The following VRK2 variants were observed in gnomAD, a reference collection of about 807,000 sequenced individuals.
VRK2 encodes serine/threonine-protein kinase VRK2.
A neutral mutation model predicts 57.6 loss-of-function variants in VRK2; 60 were observed. That is an observed-to-expected ratio of 1.04 (90% CI 0.85 to 1.29). The LOEUF (loss-of-function observed/expected upper bound fraction) is 1.29. Ranked by LOEUF, VRK2 falls within the 50% of genes most tolerant of loss-of-function variation. The pLI is 0.00. For synonymous variants in VRK2, 231 were observed against 199.2 expected (o/e 1.16, Z -1.35); for missense variants, 705 against 588.1 (o/e 1.20, Z -2.06).
At chr2:58,087,147 A>G (rs1453160382) in intron 5 of VRK2, among the ~76,000 whole-genome samples, 1 of 152,228 alleles carries the variant, frequency 6.6e-6, no homozygotes, top group Non-Finnish European at 1.5e-5. Context: ...CTTTTGTGCC[A>G]GAGACTTTTA....
intron 1 of VRK2, among the ~76,000 whole-genome samples, chr2:58,004,544 A>G (rs972794697): frequency 2.0e-5 from 3 of 152,154 alleles, no homozygotes; most frequent in Non-Finnish European, 4.4e-5. Flanking sequence ...TTTAAACCTG[A>G]GCTTCAAGAA....
At chr2:58,091,263 A>C (rs13386998) in intron 7 of VRK2, among the ~76,000 whole-genome samples, 12,517 of 152,098 alleles carry the variant, frequency 0.082, 551 homozygotes, top group South Asian at 0.14. Flanking sequence ...AAAATGTGCT[A>C]CTCTAGTGAG....
At chr2:58,010,452 G>A (rs1673385796) in intron 1 of VRK2, among the ~76,000 whole-genome samples, 1 of 151,796 alleles carries the variant, frequency 6.6e-6, no homozygotes, top group East Asian at 1.9e-4. Flanking sequence ...TAATATCAAG[G>A]GTTAGTGTCC....
intron 2 of VRK2, among the ~76,000 whole-genome samples, chr2:58,032,375 C>T (rs1299691498): frequency 6.6e-6 from 1 of 152,052 alleles, no homozygotes; most frequent in Non-Finnish European, 1.5e-5. Context: ...CTGGAAGATT[C>T]ATTGTCTAGT....
intron 7 of VRK2, among the ~76,000 whole-genome samples, chr2:58,096,912 TTTCTTTCA>T (rs1184975945): frequency 1.3e-5 from 2 of 152,116 alleles, no homozygotes; most frequent in East Asian, 1.9e-4. Flanking sequence ...AGTTTGTATT[TTTCTTTCA>T]CCAAAAAAGT....
At chr2:57,966,460 G>T (rs1422212418) in intron 1 of VRK2, among the ~76,000 whole-genome samples, 1 of 152,102 alleles carries the variant, frequency 6.6e-6, no homozygotes, top group Non-Finnish European at 1.5e-5. Flanking sequence ...CAACCCCTAA[G>T]GACTGCCTTC....
chr2:57,993,164 G>T (rs565943494), intron 1 of VRK2, among the ~76,000 whole-genome samples: 2 of 152,304 alleles, frequency 1.3e-5, no homozygotes, highest in Non-Finnish European at 2.9e-5. Context: ...GGGAAGGTTA[G>T]ATACATCTTT....
At chr2:58,125,785 T>C (rs890640421) in intron 8 of VRK2, among the ~76,000 whole-genome samples, 2 of 152,060 alleles carry the variant, frequency 1.3e-5, no homozygotes, top group African/African-American at 4.8e-5. Context: ...TATATAGATA[T>C]ATACACCCAC....
intron 9 of VRK2, among the ~76,000 whole-genome samples, chr2:58,134,043 G>T (rs902747100): frequency 1.3e-5 from 2 of 152,048 alleles, no homozygotes; most frequent in African/African-American, 4.8e-5. Context: ...TGAGACCTTT[G>T]AACTGAAAGA....
At chr2:58,004,675 T>C (rs1262553720) in intron 1 of VRK2, among the ~76,000 whole-genome samples, 1 of 152,194 alleles carries the variant, frequency 6.6e-6, no homozygotes, top group Non-Finnish European at 1.5e-5. Context: ...AATTATGTCC[T>C]CTGCCAAAGA....
chr2:58,062,430 A>G (rs1677487012), intron 2 of VRK2, among the ~76,000 whole-genome samples: 1 of 152,100 alleles, frequency 6.6e-6, no homozygotes. Flanking sequence ...TTAAATCAAA[A>G]GCTAGAAATA....
chr2:57,971,074 G>A (rs746896649), intron 1 of VRK2, among the ~76,000 whole-genome samples: 1 of 151,822 alleles, frequency 6.6e-6, no homozygotes, highest in Non-Finnish European at 1.5e-5. Context: ...TAGCATTGGG[G>A]TGCCCAGTTT....
chr2:57,996,580 T>G (rs1409194501), intron 1 of VRK2, among the ~76,000 whole-genome samples: 1 of 152,214 alleles, frequency 6.6e-6, no homozygotes, highest in Non-Finnish European at 1.5e-5. Context: ...GAGAATTGGT[T>G]ACAACTGATT....
At chr2:57,939,645 T>C (rs1471918644) in intron 1 of VRK2, among the ~76,000 whole-genome samples, 7 of 152,194 alleles carry the variant, frequency 4.6e-5, no homozygotes, top group African/African-American at 1.4e-4. Context: ...GTTACTTTGA[T>C]TGAGAAAGTA....
At chr2:57,958,654 T>G (rs1671662517) in intron 1 of VRK2, among the ~76,000 whole-genome samples, 2 of 152,178 alleles carry the variant, frequency 1.3e-5, no homozygotes, top group African/African-American at 4.8e-5. Flanking sequence ...CAGTTAATTC[T>G]ACTGCTACAT....
chr2:58,146,557 C>T (rs1188287438), intron 12 of VRK2, 83 bp downstream of exon 12: 2 of 1,451,686 alleles, frequency 1.4e-6, no homozygotes, highest in African/African-American at 2.9e-5. Context: ...ATCTTATTTT[C>T]TCCTGAGGGC....
chr2:57,908,663 T>C (rs1199454949), intron 1 of VRK2, among the ~76,000 whole-genome samples: 1 of 152,212 alleles, frequency 6.6e-6, no homozygotes, highest in Non-Finnish European at 1.5e-5. Context: ...TTCTAAACTG[T>C]GTGTGACAGG....
intron 1 of VRK2, among the ~76,000 whole-genome samples, chr2:57,916,834 T>A (rs1215978320): frequency 6.6e-6 from 1 of 152,208 alleles, no homozygotes; most frequent in South Asian, 2.1e-4. Context: ...CAGTTTCAAC[T>A]CTTTGGAAAG....
intron 12 of VRK2, among the ~76,000 whole-genome samples, chr2:58,158,583 A>AAGTT (rs925726219): frequency 7.2e-5 from 11 of 152,088 alleles, no homozygotes; most frequent in Admixed American, 2.0e-4. Flanking sequence ...CTTCTCTTCT[A>AAGTT]AGTTAGTTAC....
Sources: allele counts gnomAD v4.1 joint callset (sites outside exome capture counted in the v4.1 genomes callset), GRCh38; gene constraint gnomAD v4.1.1; transcripts MANE v1.5; gene names NCBI Gene and HGNC (gene_info 2026-07-23, HGNC 2026-07-21).